Variants in CLSTN2 observed in about 807,000 individuals in gnomAD.
CLSTN2 encodes the protein calsyntenin 2, also known as calsyntenin-2.
CLSTN2 carries 48 observed loss-of-function variants against 101.2 expected under a neutral mutation model. The ratio of observed to expected loss-of-function variants is 0.47; its 90% CI spans 0.38 to 0.60. The LOEUF (loss-of-function observed/expected upper bound fraction) is 0.60, where lower values mean the gene tolerates loss of function less well. Ranked by LOEUF, CLSTN2 falls within the 20% of genes least tolerant of loss-of-function variation. CLSTN2 has a pLI of 0.00. For synonymous variants in CLSTN2, 481 were observed against 463.6 expected (o/e 1.04, Z -0.48); for missense variants, 1,160 against 1,238.2 (o/e 0.94, Z 0.95).
At chr3:139,946,230 G>A (rs978778874) in intron 1 of CLSTN2, among the ~76,000 whole-genome samples, 2 of 152,198 alleles carry the variant, frequency 1.3e-5, no homozygotes, top group Admixed American at 1.3e-4. Context: ...ACATATCCAT[G>A]CTTTCTCTCT....
chr3:140,232,786 T>A (rs77483439), intron 2 of CLSTN2, among the ~76,000 whole-genome samples: 5,931 of 152,198 alleles, frequency 0.039, 358 homozygotes, highest in African/African-American at 0.13. Flanking sequence ...TCTTTAATTA[T>A]CTTCACCATT....
At position 140,024,541 on chromosome 3, in the gene CLSTN2, C is replaced by T. The variant is rs115698513; in HGVS notation, c.109+89058C>T. Among the ~76,000 whole-genome samples, 536 of 152,304 alleles carry T rather than the reference C, an allele frequency of 3.5e-3. 4 individuals carry two copies. Among genetic ancestry groups the T allele is most frequent in the African/African-American group, 0.012 (498 of 41,562 alleles). On this transcript the variant is annotated intron_variant, in intron 1 of 16. Coordinates refer to ENST00000458420, the MANE Select transcript of CLSTN2 (RefSeq NM_022131.3). ...AGCCCCCTAGGCAGTCTCGGCCTGG[C>T]CTTGGTGTCAGCTAGTCGCAAACAA...
chr3:140,467,955 A>G (rs993001878), intron 8 of CLSTN2, among the ~76,000 whole-genome samples: 3 of 152,202 alleles, frequency 2.0e-5, no homozygotes, highest in Admixed American at 2.0e-4. Context: ...GAATCTCTCA[A>G]TGGTGGAACT....
intron 2 of CLSTN2, among the ~76,000 whole-genome samples, chr3:140,386,263 G>A (rs1020485574): frequency 5.3e-5 from 8 of 152,150 alleles, no homozygotes; most frequent in East Asian, 1.9e-4. Context: ...AAATGCTGCC[G>A]CTGGTACTTG....
At chr3:140,429,952 C>T (rs2088610996) in intron 5 of CLSTN2, among the ~76,000 whole-genome samples, 1 of 152,134 alleles carries the variant, frequency 6.6e-6, no homozygotes, top group Non-Finnish European at 1.5e-5. Flanking sequence ...CACCTGCCAC[C>T]ACCCTACCAA....
chr3:140,062,079 T>C (rs1396664492), intron 1 of CLSTN2, among the ~76,000 whole-genome samples: 1 of 152,118 alleles, frequency 6.6e-6, no homozygotes, highest in Non-Finnish European at 1.5e-5. Context: ...AGAGAAGTAA[T>C]TTCAGGTGAG....
intron 2 of CLSTN2, among the ~76,000 whole-genome samples, chr3:140,250,387 A>T (rs1456092015): frequency 1.3e-5 from 2 of 152,206 alleles, no homozygotes; most frequent in African/African-American, 4.8e-5. Flanking sequence ...GCTTGAGAAT[A>T]AACTGGGAGA....
At chr3:140,118,893 G>C (rs1353327960) in intron 1 of CLSTN2, among the ~76,000 whole-genome samples, 1 of 152,176 alleles carries the variant, frequency 6.6e-6, no homozygotes, top group East Asian at 1.9e-4. Flanking sequence ...AGTTCCTCTG[G>C]TGGTGGTCTT....
At chr3:140,138,243 C>T (rs1276933533) in intron 1 of CLSTN2, among the ~76,000 whole-genome samples, 1 of 152,150 alleles carries the variant, frequency 6.6e-6, no homozygotes, top group East Asian at 1.9e-4. Context: ...AGAAGAAGGA[C>T]CAAGTACCTT....
At chr3:140,200,810 C>A (rs753526604) in intron 2 of CLSTN2, among the ~76,000 whole-genome samples, 14 of 152,150 alleles carry the variant, frequency 9.2e-5, no homozygotes, top group Non-Finnish European at 1.6e-4. Flanking sequence ...CCCTCCCCCA[C>A]CTGCCTCCTC....
chr3:140,073,972 G>A (rs903329023), intron 1 of CLSTN2, among the ~76,000 whole-genome samples: 2 of 152,250 alleles, frequency 1.3e-5, no homozygotes, highest in Admixed American at 6.5e-5. Flanking sequence ...GTCAAGGAAG[G>A]CTGAAGAGCA....
At chr3:140,321,221 A>G (rs921771826) in intron 2 of CLSTN2, among the ~76,000 whole-genome samples, 5 of 152,102 alleles carry the variant, frequency 3.3e-5, no homozygotes, top group African/African-American at 1.2e-4. Context: ...CTTGAAGAAG[A>G]GTTAGAAAGG....
chr3:140,074,807 A>G lies in CLSTN2; in HGVS notation c.110-101144A>G, dbSNP rs1330106853. Among the ~76,000 whole-genome samples the G allele has an allele frequency of 2.0e-5, 3 of 152,122 alleles. No homozygotes were observed. In the South Asian group the frequency reaches 6.2e-4, roughly 31 times the overall value. On this transcript the variant is annotated intron_variant, in intron 1 of 16. Coordinates refer to ENST00000458420, the MANE Select transcript of CLSTN2 (RefSeq NM_022131.3). ...CTTTCATATCACCTGTGTTCCCTCA[A>G]TCATTAAAAGTTCTCCTTGTGGGAT...
In CLSTN2 at chr3:140,240,233, T is replaced by TATAC. The variant is rs2086453256; in HGVS notation, c.232+64160_232+64161insATAC. ...ACACACACACACACATATATATATATGCATATATACACATATATATACATA... is the reference window on the plus strand; with the variant it reads ...ACACACACACACACATATATATATATATACGCATATATACACATATATATACATA... On this transcript the variant is annotated intron_variant, in intron 2 of 16. Transcript: ENST00000458420. 5.8e-3 allele frequency among the ~76,000 whole-genome samples: 305 copies of TATAC among 52,448 alleles called. 1 individual carries two copies. The highest frequency in any genetic ancestry group is 0.011 in the Non-Finnish European group (237 of 22,254). The allele number at this position is 52,448 out of a possible 152,430, so 34.4% of individuals were successfully genotyped here.
At chr3:140,276,664 A>AGG (rs2086797699) in intron 2 of CLSTN2, among the ~76,000 whole-genome samples, 1 of 152,204 alleles carries the variant, frequency 6.6e-6, no homozygotes, top group Admixed American at 6.5e-5. Flanking sequence ...AGGTATAATT[A>AGG]GGGTGACTAT....
intron 8 of CLSTN2, among the ~76,000 whole-genome samples, chr3:140,482,756 G>A (rs912607876): frequency 1.3e-5 from 2 of 152,106 alleles, no homozygotes; most frequent in African/African-American, 4.8e-5. Context: ...TTCTCTGATG[G>A]TAGTTTGTAT....
At position 140,421,257 on chromosome 3, in the gene CLSTN2, G is replaced by T. The variant is rs1303246598; in HGVS notation, c.770G>T (p.Cys257Phe). 6.2e-7 allele frequency: 1 copy of T among 1,614,144 alleles called. No homozygotes were observed. The highest frequency in any genetic ancestry group is 8.5e-7 in the Non-Finnish European group (1 of 1,180,000). Residue 257 changes from cysteine (C) to phenylalanine (F), a missense_variant, in exon 5 of 17, where the codon TGC (cysteine) becomes TTC (phenylalanine). Transcript: ENST00000458420. ...GTGCAGGTGGATGTGAAGCCAGTTT[G>T]CAAGCCTGGCTGGCAAGGTGGGCCT... is the stretch of plus-strand genomic sequence containing the variant. ...TLVQVDVKPV[C>F]KPGWQDWTKR...
At chr3:140,523,257 C>T (rs1048136894) in intron 8 of CLSTN2, among the ~76,000 whole-genome samples, 1 of 152,094 alleles carries the variant, frequency 6.6e-6, no homozygotes, top group African/African-American at 2.4e-5. Context: ...TCAGACAGTC[C>T]TTTGAAGCTT....
Position 140,466,692 on chromosome 3 carries a change from C to A in CLSTN2, c.1305C>A (p.Asp435Glu). The stretch of plus-strand genomic sequence containing the variant: ...TGCGGAAGGACTTCGACCAGGCTGA[C>A]ACCTTTCGCCCCGCGGAGTTCCACT... ...FLLRKDFDQADTFRPAEFHWK... is the reference protein window; with the variant it reads ...FLLRKDFDQAETFRPAEFHWK... The change falls in exon 8 of 17, where the codon GAC becomes GAA. Residue 435 changes from aspartate (D) to glutamate (E), a missense_variant. Asp to Glu is a conservative substitution (Grantham distance 45). Transcript: ENST00000458420. 2 of 1,614,180 alleles carry A rather than the reference C, an allele frequency of 1.2e-6. No individual in the cohort carries two copies. The highest frequency in any genetic ancestry group is 1.7e-6 in the Non-Finnish European group (2 of 1,180,024).
Sources: allele counts gnomAD v4.1 joint callset (sites outside exome capture counted in the v4.1 genomes callset), GRCh38; gene constraint gnomAD v4.1.1; transcripts MANE v1.5; gene names NCBI Gene and HGNC (gene_info 2026-07-23, HGNC 2026-07-21).